DDO: variants seen among roughly 807,000 people sequenced by gnomAD.
The protein encoded by DDO is D-aspartate oxidase.
In DDO, 16 loss-of-function variants were observed where a neutral mutation model predicts 16.8. The ratio of observed to expected loss-of-function variants is 0.95; its 90% CI spans 0.65 to 1.45. DDO has a LOEUF of 1.45. Among genes scored for constraint, DDO ranks in the 40% most tolerant of loss-of-function variants. The pLI, the probability that DDO is intolerant of heterozygous loss-of-function variation, is 0.00. For missense variants in DDO, 429 were observed against 420.3 expected (o/e 1.02, Z -0.18); for synonymous variants, 180 against 167.2 (o/e 1.08, Z -0.59).
At chr6:110,408,158 A>G (rs945153942) in intron 3 of DDO, among the ~76,000 whole-genome samples, 176 bp downstream of exon 3, 1 of 152,224 alleles carries the variant, frequency 6.6e-6, no homozygotes, top group South Asian at 2.1e-4. Context: ...GTCTAATACC[A>G]TAACTTGTCT....
At chr6:110,393,367 A>T (rs1434536887) in intron 4 of DDO, 25 bp from the exon 5 acceptor site, 1 of 1,545,018 alleles carries the variant, frequency 6.5e-7, no homozygotes, top group Non-Finnish European at 8.7e-7. Flanking sequence ...CCATGAAGTG[A>T]ATATTTGTTA....
chr6:110,398,089 G>A (rs1447968725), intron 4 of DDO, among the ~76,000 whole-genome samples: 3 of 152,140 alleles, frequency 2.0e-5, no homozygotes, highest in Admixed American at 6.5e-5. Context: ...CCTGGAGAGA[G>A]AGAATACCAT....
chr6:110,396,795 C>T (rs1024231114), intron 4 of DDO, among the ~76,000 whole-genome samples: 2 of 152,146 alleles, frequency 1.3e-5, no homozygotes, highest in Non-Finnish European at 2.9e-5. Context: ...GTTTTTGGCT[C>T]TCTCAGTAAG....
chr6:110,404,754 C>G lies in DDO; in HGVS notation c.458+20G>C, dbSNP rs1356680840. The stretch of plus-strand genomic sequence containing the variant: ...ATGGCTATGACAGATAAGGAAATAT[C>G]AGGGAGCATTTCAACTGACCTTTTC... On this transcript the variant is annotated intron_variant, in intron 4 of 4. Coordinates refer to ENST00000368924, the MANE Select transcript of DDO (RefSeq NM_001372108.2). 3 of 1,612,056 alleles carry G rather than the reference C, an allele frequency of 1.9e-6. No homozygotes were observed. Among genetic ancestry groups the G allele is most frequent in the African/African-American group, 1.3e-5 (1 of 74,886 alleles).
At position 110,404,873 on chromosome 6, in the gene DDO, G is replaced by A. The variant is rs1773596456; in HGVS notation, c.359C>T (p.Thr120Ile). 6.2e-7 allele frequency: 1 copy of A among 1,614,046 alleles called. No individual in the cohort carries two copies. The highest frequency in any genetic ancestry group is 1.3e-5 in the African/African-American group (1 of 74,912). ...GGGGAATTTCTTCAGCTCAGCCTCA[G>A]TCATCTTTCGAAATCCCAGAACCAC... is the stretch of plus-strand genomic sequence containing the variant. ...ADVVLGFRKM[T>I]EAELKKFPQY... The change falls in exon 4 of 5, where the codon ACT becomes ATT. Residue 120 changes from threonine to isoleucine, a missense_variant. Transcript: ENST00000368924.
chr6:110,412,007 TG>T (rs1773873796), intron 2 of DDO, among the ~76,000 whole-genome samples: 1 of 152,178 alleles, frequency 6.6e-6, no homozygotes, highest in Admixed American at 6.5e-5. Context: ...TGAGCCACCA[TG>T]CCCCACCAGT....
chr6:110,408,185 G>C, intron 3 of DDO, 149 bp downstream of exon 3: 1 of 621,178 alleles, frequency 1.6e-6, no homozygotes, highest in Non-Finnish European at 2.7e-6. Flanking sequence ...AGTTCTTTGG[G>C]GTAAAGCCTA....
chr6:110,402,368 A>C (rs1427813029), intron 4 of DDO, among the ~76,000 whole-genome samples: 6 of 152,170 alleles, frequency 3.9e-5, no homozygotes, highest in Admixed American at 2.6e-4. Flanking sequence ...CAAGTATTTA[A>C]ATATTTAAAC....
intron 4 of DDO, among the ~76,000 whole-genome samples, chr6:110,396,325 T>C (rs1384421878): frequency 6.6e-6 from 1 of 152,250 alleles, no homozygotes; most frequent in Non-Finnish European, 1.5e-5. Flanking sequence ...ACCTCTGGAT[T>C]AGACTCACTG....
intron 4 of DDO, among the ~76,000 whole-genome samples, chr6:110,393,837 T>C (rs561952313): frequency 2.0e-5 from 3 of 152,310 alleles, no homozygotes; most frequent in South Asian, 2.1e-4. Context: ...ACAACTATGT[T>C]AGCACGAGAA....
intron 4 of DDO, among the ~76,000 whole-genome samples, chr6:110,400,347 G>GGGGT (rs1361587053): frequency 2.0e-5 from 3 of 149,726 alleles, no homozygotes; most frequent in African/African-American, 7.3e-5. Context: ...GCGGGCCGGG[G>GGGGT]CGGGGACTGG....
intron 3 of DDO, 87 bp downstream of exon 3, chr6:110,408,247 A>G: frequency 7.9e-7 from 1 of 1,262,232 alleles, no homozygotes; most frequent in African/African-American, 1.5e-5. Context: ...TGCTCACAAC[A>G]GCTACTCAGT....
intron 2 of DDO, among the ~76,000 whole-genome samples, chr6:110,411,371 CAAA>C (rs1384734741): frequency 6.7e-6 from 1 of 150,274 alleles, no homozygotes; most frequent in Non-Finnish European, 1.5e-5. Context: ...ATGAGAAAAT[CAAA>C]AAACAAAAAC....
At chr6:110,400,050 A>AGCCC (rs1773426929) in intron 4 of DDO, among the ~76,000 whole-genome samples, 1 of 152,164 alleles carries the variant, frequency 6.6e-6, no homozygotes, top group Admixed American at 6.5e-5. Context: ...CGCAGCCCCA[A>AGCCC]GCCCCCTGGC....
At chr6:110,405,108 C>T (rs548139973) in intron 3 of DDO, among the ~76,000 whole-genome samples, 158 bp from the exon 4 acceptor site, 1 of 152,300 alleles carries the variant, frequency 6.6e-6, no homozygotes, top group South Asian at 2.1e-4. Flanking sequence ...ACAATCATGG[C>T]CCACTGCAGC....
chr6:110,390,594 T>C (rs1312482615), downstream of DDO, among the ~76,000 whole-genome samples: 1 of 152,036 alleles, frequency 6.6e-6, no homozygotes, highest in Non-Finnish European at 1.5e-5. Flanking sequence ...GAGTAACAAA[T>C]AGGCAAAGGT....
chr6:110,404,382 A>G (rs1773577146), intron 4 of DDO, among the ~76,000 whole-genome samples: 1 of 152,246 alleles, frequency 6.6e-6, no homozygotes. Flanking sequence ...ATAAGCAAAG[A>G]TTCTCTCGTC....
intron 4 of DDO, among the ~76,000 whole-genome samples, chr6:110,397,421 C>T (rs1773326934): frequency 1.3e-5 from 2 of 151,882 alleles, no homozygotes; most frequent in South Asian, 4.2e-4. Flanking sequence ...ATTGTAGATT[C>T]CATGTGTTAA....
At chr6:110,405,053 T>G in intron 3 of DDO, 103 bp from the exon 4 acceptor site, 1 of 1,189,674 alleles carries the variant, frequency 8.4e-7, no homozygotes, top group Non-Finnish European at 1.2e-6. Context: ...TATTTTATTT[T>G]TGAGACAGAG....
Sources: allele counts gnomAD v4.1 joint callset (sites outside exome capture counted in the v4.1 genomes callset), GRCh38; gene constraint gnomAD v4.1.1; transcripts MANE v1.5; gene names NCBI Gene and HGNC (gene_info 2026-07-23, HGNC 2026-07-21).